GRAMD1B: variants seen among roughly 807,000 people sequenced by gnomAD.
The protein encoded by GRAMD1B is GRAM domain containing 1B.
Under a neutral mutation model 99.7 loss-of-function variants are expected in GRAMD1B, and 37 were observed. That is an observed-to-expected ratio of 0.37 (90% confidence interval 0.29 to 0.49). The LOEUF is 0.49. Among genes scored for constraint, GRAMD1B ranks in the 20% least tolerant of loss-of-function variants. The pLI is 0.98. For missense variants in GRAMD1B, 888 were observed against 1,009.2 expected (o/e 0.88, Z 1.63); for synonymous variants, 427 against 387.6 (o/e 1.10, Z -1.19).
At chr11:123,550,590 A>T (rs576634156) in intron 2 of GRAMD1B, among the ~76,000 whole-genome samples, 1 of 152,180 alleles carries the variant, frequency 6.6e-6, no homozygotes, top group Admixed American at 6.5e-5. Flanking sequence ...GGGGATGTTC[A>T]TGTGGCTCAA....
chr11:123,391,176 C>T (rs916896831), intron 1 of GRAMD1B, among the ~76,000 whole-genome samples: 1 of 152,148 alleles, frequency 6.6e-6, no homozygotes, highest in African/African-American at 2.4e-5. Flanking sequence ...CGCCACTTGC[C>T]CTACTTCATC....
At chr11:123,545,180 G>C (rs892760179) in intron 2 of GRAMD1B, among the ~76,000 whole-genome samples, 1 of 152,186 alleles carries the variant, frequency 6.6e-6, no homozygotes, top group African/African-American at 2.4e-5. Flanking sequence ...AGACTTCAGT[G>C]AGGTGCCCGC....
At chr11:123,580,244 C>T (rs371855621) in intron 3 of GRAMD1B, among the ~76,000 whole-genome samples, 1 of 152,150 alleles carries the variant, frequency 6.6e-6, no homozygotes, top group African/African-American at 2.4e-5. Context: ...ACACAAGAAC[C>T]AGTAGGGGAA....
At chr11:123,451,758 C>T (rs1375693757) in intron 1 of GRAMD1B, among the ~76,000 whole-genome samples, 4 of 152,094 alleles carry the variant, frequency 2.6e-5, no homozygotes, top group Admixed American at 6.6e-5. Flanking sequence ...ATGTGCTGGC[C>T]ACTGAGGTGT....
chr11:123,441,876 A>G (rs1027589973), intron 1 of GRAMD1B, among the ~76,000 whole-genome samples: 8 of 152,134 alleles, frequency 5.3e-5, no homozygotes, highest in South Asian at 4.1e-4. Context: ...TGTTTGGTGT[A>G]TTATCTCCTG....
chr11:123,365,418 A>AT (rs1389437467), intron 1 of GRAMD1B, among the ~76,000 whole-genome samples: 1 of 151,960 alleles, frequency 6.6e-6, no homozygotes, highest in East Asian at 1.9e-4. Context: ...TGCCCAGCTA[A>AT]TTTTTGTATT....
intron 2 of GRAMD1B, among the ~76,000 whole-genome samples, chr11:123,540,110 G>A (rs370982503): frequency 2.0e-5 from 3 of 151,648 alleles, no homozygotes; most frequent in African/African-American, 7.3e-5. Context: ...CTGTCATGTG[G>A]GCTGGAGTGC....
chr11:123,605,510 C>G, intron 10 of GRAMD1B, 32 bp downstream of exon 10: 2 of 1,574,160 alleles, frequency 1.3e-6, no homozygotes, highest in Non-Finnish European at 8.7e-7. Context: ...CTTCTACCCC[C>G]AGTCCTGTGG....
At chr11:123,381,860 G>A (rs1410595960) in intron 1 of GRAMD1B, among the ~76,000 whole-genome samples, 2 of 152,190 alleles carry the variant, frequency 1.3e-5, no homozygotes, top group African/African-American at 4.8e-5. Context: ...GCAAGAGTGA[G>A]GTGGCGACTA....
In GRAMD1B at chr11:123,623,390, C is replaced by T. The variant is rs968906490; in HGVS notation, c.*795C>T. ...AGTGTCACTTTTTAGTGCCTAAAGT[C>T]CTATTGTTTCTCTGTGCCCTAAGAG... On this transcript the variant is annotated 3_prime_UTR_variant, in exon 20 of 20. Coordinates refer to ENST00000635736, the MANE Select transcript of GRAMD1B (RefSeq NM_001387025.1). 1.3e-5 allele frequency: 2 copies of T among 152,192 alleles called. No homozygotes were observed. The highest frequency in any genetic ancestry group is 2.9e-5 in the Non-Finnish European group (2 of 68,032). The allele number at this position is 152,192 out of a possible 1,614,324, so 9.4% of individuals were successfully genotyped here.
chr11:123,359,681 G>T (rs572350077), intron 1 of GRAMD1B, among the ~76,000 whole-genome samples: 3 of 152,084 alleles, frequency 2.0e-5, no homozygotes, highest in Non-Finnish European at 2.9e-5. Context: ...TATTGAAGAG[G>T]GGTAGGGTGG....
intron 1 of GRAMD1B, among the ~76,000 whole-genome samples, chr11:123,382,088 T>C (rs752371220): frequency 9.9e-5 from 15 of 152,052 alleles, no homozygotes; most frequent in Non-Finnish European, 1.9e-4. Context: ...AATAAATGAA[T>C]GATATCAGTA....
intron 3 of GRAMD1B, among the ~76,000 whole-genome samples, chr11:123,580,404 C>T (rs1210675406): frequency 6.6e-6 from 1 of 152,196 alleles, no homozygotes; most frequent in Non-Finnish European, 1.5e-5. Flanking sequence ...GCTGTTTTTA[C>T]TGATATTGTT....
At chr11:123,365,164 A>G (rs7948443) in intron 1 of GRAMD1B, among the ~76,000 whole-genome samples, 54,551 of 152,146 alleles carry the variant, frequency 0.36, 14,843 homozygotes, top group African/African-American at 0.77. Flanking sequence ...CACATTGACA[A>G]TAAGTGGCAA....
chr11:123,385,442 T>C (rs187635014), intron 1 of GRAMD1B, among the ~76,000 whole-genome samples: 1 of 152,326 alleles, frequency 6.6e-6, no homozygotes, highest in East Asian at 1.9e-4. Context: ...TTCTTTAACA[T>C]CGTTTCCAGC....
At chr11:123,526,265 C>A in intron 2 of GRAMD1B, 1 of 1,071,194 alleles carries the variant, frequency 9.3e-7, no homozygotes, top group Non-Finnish European at 1.4e-6. Context: ...TCATTGATGC[C>A]ATCTCACCAG....
Position 123,372,250 on chromosome 11 carries a change from T to C in GRAMD1B, c.-176+13451T>C, listed in dbSNP as rs569824615. ...CAATGATTCAGTTGTTACTTGGTTT[T>C]ATGGTGAATTCTAGATAAGAAATAC... On this transcript the variant is annotated intron_variant, in intron 1 of 20. Coordinates refer to the GRAMD1B transcript ENST00000638157. Among the ~76,000 whole-genome samples the C allele has an allele frequency of 2.6e-5, 4 of 152,350 alleles. No individual in the cohort carries two copies. In the East Asian group the frequency reaches 7.7e-4, roughly 29 times the overall value.
intron 1 of GRAMD1B, among the ~76,000 whole-genome samples, chr11:123,359,190 TG>T (rs1449005686): frequency 9.9e-5 from 15 of 152,258 alleles, no homozygotes; most frequent in Admixed American, 9.2e-4. Context: ...TCTATCTTGC[TG>T]GCAAAAGTTT....
chr11:123,402,888 C>T (rs1383142967), intron 1 of GRAMD1B, among the ~76,000 whole-genome samples: 1 of 152,038 alleles, frequency 6.6e-6, no homozygotes, highest in Non-Finnish European at 1.5e-5. Context: ...TGTGGCGATT[C>T]CTCAAGGATC....
Sources: allele counts gnomAD v4.1 joint callset (sites outside exome capture counted in the v4.1 genomes callset), GRCh38; gene constraint gnomAD v4.1.1; transcripts MANE v1.5; gene names NCBI Gene and HGNC (gene_info 2026-07-23, HGNC 2026-07-21).